The following RAB3C variants were observed in gnomAD, a reference collection of about 807,000 sequenced individuals.
The protein encoded by RAB3C is RAB3C, member RAS oncogene family.
A neutral mutation model predicts 26.4 loss-of-function variants in RAB3C; 17 were observed. The observed-to-expected ratio is 0.64, with a 90% CI of 0.44 to 0.97. The LOEUF (loss-of-function observed/expected upper bound fraction) is 0.97. Among genes scored for constraint, RAB3C ranks in the 50% least tolerant of loss-of-function variants. The pLI is 0.00. For missense variants in RAB3C, 242 were observed against 281.9 expected, an observed-to-expected ratio of 0.86 and a Z score of 1.01; for synonymous variants, 91 against 95.9, an observed-to-expected ratio of 0.95 and a Z score of 0.30.
intron 2 of RAB3C, among the ~76,000 whole-genome samples, chr5:58,698,886 G>A (rs528650331): frequency 3.7e-4 from 57 of 152,100 alleles, no homozygotes; most frequent in African/African-American, 1.3e-3. Flanking sequence ...CCTTTAGCTC[G>A]GAGAAGTTTG....
intron 3 of RAB3C, among the ~76,000 whole-genome samples, chr5:58,797,376 T>A (rs1271914405): frequency 1.1e-3 from 129 of 120,394 alleles, no homozygotes; most frequent in African/African-American, 2.2e-3. Context: ...ATAATATATA[T>A]ATATATATAT....
rs372565391 is a variant in RAB3C at position 58,617,510 on chromosome 5, C to T, written c.25-133C>T. ...AATATCAGAGGAAGACTGGGGAGCA[C>T]TCACCACTCGCCTCCTGAGTGTCTG... On this transcript the variant is annotated intron_variant, in intron 1 of 4. Transcript: ENST00000282878. 5.0e-6 allele frequency: 4 copies of T among 803,854 alleles called. No homozygotes were observed. The South Asian group carries it at 5.4e-5, about 11-fold the overall frequency. 49.8% of individuals were successfully genotyped at this position (803,854 alleles called of 1,614,324 possible).
chr5:58,618,250 G>T (rs1213972047), intron 2 of RAB3C, among the ~76,000 whole-genome samples: 1 of 152,078 alleles, frequency 6.6e-6, no homozygotes, highest in Non-Finnish European at 1.5e-5. Context: ...TAAGCTAAGT[G>T]GTTCTGGGTT....
intron 2 of RAB3C, among the ~76,000 whole-genome samples, chr5:58,718,164 A>G (rs293025): frequency 0.51 from 77,191 of 151,970 alleles, 20,518 homozygotes; most frequent in Non-Finnish European, 0.6. Flanking sequence ...TCCCACTGGG[A>G]AAAAGTATGT....
intron 1 of RAB3C, among the ~76,000 whole-genome samples, chr5:58,602,557 A>AT (rs1216267783): frequency 6.6e-6 from 1 of 152,010 alleles, no homozygotes; most frequent in African/African-American, 2.4e-5. Context: ...GGATTGTGAT[A>AT]TTTTCCTGTT....
intron 2 of RAB3C, among the ~76,000 whole-genome samples, chr5:58,703,936 C>A (rs535741754): frequency 2.0e-5 from 3 of 152,092 alleles, no homozygotes; most frequent in African/African-American, 7.2e-5. Context: ...TAGAACCAAA[C>A]GAGACCTTAA....
intron 4 of RAB3C, chr5:58,848,290 G>A (rs1449581113): frequency 6.6e-6 from 1 of 152,066 alleles, no homozygotes; most frequent in Non-Finnish European, 1.5e-5. Flanking sequence ...TGTTTCATTT[G>A]GTTTACTGGC....
In RAB3C at chr5:58,617,832, G is replaced by C. The variant is rs201467636; in HGVS notation, c.214G>C (p.Val72Leu). 5 of 1,612,238 alleles carry C rather than the reference G, an allele frequency of 3.1e-6. No individual in the cohort carries two copies. Among genetic ancestry groups the C allele is most frequent in the Non-Finnish European group, 4.2e-6 (5 of 1,178,826 alleles). The change falls in exon 2 of 5, where the codon GTA becomes CTA. Residue 72 changes from valine (V) to leucine (L), a missense_variant. Physicochemically the swap from Val to Leu is conservative, Grantham distance 32 (BLOSUM62 1). Transcript: ENST00000282878. ...TVGIDFKVKT[V>L]FKNEKRIKLQ... ...TGGGATCGATTTCAAAGTAAAAACT[G>C]TATTCAAAAATGAAAAGAGAATCAA...
chr5:58,794,385 T>A (rs1037088334), intron 3 of RAB3C: 5 of 151,978 alleles, frequency 3.3e-5, no homozygotes, highest in African/African-American at 9.7e-5. Flanking sequence ...GGAACCATGA[T>A]AACTTACTGA....
At chr5:58,834,111 A>T (rs1357543005) in intron 4 of RAB3C, among the ~76,000 whole-genome samples, 3 of 152,218 alleles carry the variant, frequency 2.0e-5, no homozygotes, top group Non-Finnish European at 4.4e-5. Flanking sequence ...TTAGCAAAAG[A>T]CCATGGCTGA....
intron 1 of RAB3C, among the ~76,000 whole-genome samples, chr5:58,617,055 AT>A (rs200828027): frequency 1.3e-5 from 2 of 149,036 alleles, no homozygotes; most frequent in Non-Finnish European, 3.0e-5. Flanking sequence ...ACTGTGAGGG[AT>A]TAAATAAGTT....
chr5:58,653,844 T>C (rs1369271302), intron 2 of RAB3C, among the ~76,000 whole-genome samples: 4 of 152,198 alleles, frequency 2.6e-5, no homozygotes, highest in Non-Finnish European at 5.9e-5. Flanking sequence ...ACATTTTATC[T>C]CAACTTAAAA....
chr5:58,798,473 C>T (rs1742725924), intron 3 of RAB3C, among the ~76,000 whole-genome samples: 1 of 152,030 alleles, frequency 6.6e-6, no homozygotes, highest in East Asian at 1.9e-4. Context: ...ATCCCTAAAC[C>T]AAAAATCCAA....
At position 58,734,502 on chromosome 5, in the gene RAB3C, A is replaced by C. The variant is rs1470815945; in HGVS notation, c.371+8382A>C. 3.3e-5 allele frequency among the ~76,000 whole-genome samples: 5 copies of C among 152,272 alleles called. No individual in the cohort carries two copies. In the East Asian group the frequency reaches 5.8e-4, roughly 18 times the overall value. On this transcript the variant is annotated intron_variant, in intron 3 of 4. Coordinates refer to ENST00000282878, the MANE Select transcript of RAB3C (RefSeq NM_138453.4). ...AGTCTCTTCTTTCTCCCTGGATGTT[A>C]ATGATACATTTCTTATTGCTGGTCG...
At chr5:58,701,147 C>A (rs1426699899) in intron 2 of RAB3C, among the ~76,000 whole-genome samples, 1 of 152,042 alleles carries the variant, frequency 6.6e-6, no homozygotes, top group Admixed American at 6.6e-5. Flanking sequence ...AGGCACCCGC[C>A]ACCATGCCCA....
intron 2 of RAB3C, among the ~76,000 whole-genome samples, chr5:58,618,187 T>C (rs1344412135): frequency 6.6e-6 from 1 of 152,182 alleles, no homozygotes; most frequent in Non-Finnish European, 1.5e-5. Flanking sequence ...ATGATCTCTG[T>C]AACCTTGAGA....
chr5:58,807,825 TAA>T (rs34591695), intron 3 of RAB3C, among the ~76,000 whole-genome samples: 7 of 147,244 alleles, frequency 4.8e-5, no homozygotes, highest in African/African-American at 1.7e-4. Context: ...TCCAGTAGAA[TAA>T]AAAAAAAAAT....
chr5:58,789,080 C>G (rs656809), intron 3 of RAB3C, among the ~76,000 whole-genome samples: 150,830 of 152,208 alleles, frequency 0.99, 74,799 homozygotes, highest in Middle Eastern at 1. Flanking sequence ...TCATTAAAAG[C>G]CATGAGAGAA....
intron 2 of RAB3C, among the ~76,000 whole-genome samples, chr5:58,655,860 G>A (rs1400992654): frequency 7.2e-6 from 1 of 137,956 alleles, no homozygotes; most frequent in Non-Finnish European, 1.5e-5. Flanking sequence ...CAGTGACGCA[G>A]TCTCGGCTCA....
Sources: gnomAD v4.1 joint callset for allele counts (sites outside exome capture counted in the v4.1 genomes callset) on GRCh38, gnomAD v4.1.1 for gene constraint, MANE v1.5 for transcripts, NCBI Gene and HGNC (gene_info 2026-07-23, HGNC 2026-07-21) for gene names.